The following PROX1 variants were observed in gnomAD, a reference collection of about 807,000 sequenced individuals.
PROX1 encodes the protein prospero homeobox protein 1.
Under a neutral mutation model 58.8 loss-of-function variants are expected in PROX1, and 7 were observed. That is an observed-to-expected ratio of 0.12 (90% confidence interval 0.07 to 0.22). PROX1 has a LOEUF of 0.22. Ranked by LOEUF, PROX1 falls within the 10% of genes least tolerant of loss-of-function variation. The pLI, the probability that PROX1 is intolerant of heterozygous loss-of-function variation, is 1.00. For missense variants in PROX1, 675 were observed against 927.8 expected (o/e 0.73, Z 3.54); for synonymous variants, 350 against 358.3 (o/e 0.98, Z 0.26).
chr1:214,019,527 C>T (rs1355216441), intron 4 of PROX1, among the ~76,000 whole-genome samples: 9 of 152,166 alleles, frequency 5.9e-5, no homozygotes, highest in Non-Finnish European at 1.3e-4. Context: ...ACCTCACCTT[C>T]GGATTTAAGA....
At chr1:214,004,546 A>G (rs1365469710) in intron 2 of PROX1, among the ~76,000 whole-genome samples, 1 of 152,196 alleles carries the variant, frequency 6.6e-6, no homozygotes, top group Non-Finnish European at 1.5e-5. Context: ...TCTCCATGCC[A>G]AAACTACTCT....
intron 1 of PROX1, among the ~76,000 whole-genome samples, 163 bp from the exon 2 acceptor site, chr1:213,996,306 A>T (rs1392771947): frequency 2.0e-5 from 3 of 152,112 alleles, no homozygotes; most frequent in Non-Finnish European, 2.9e-5. Flanking sequence ...AGAAATATTT[A>T]AAAATGTTTC....
chr1:214,040,206 T>A lies in PROX1; in HGVS notation c.*4372T>A. 6.6e-6 allele frequency: 1 copy of A among 152,188 alleles called. No individual in the cohort carries two copies. Among genetic ancestry groups the A allele is most frequent in the East Asian group, 1.9e-4 (1 of 5,200 alleles). 9.4% of individuals were successfully genotyped at this position (152,188 alleles called of 1,614,324 possible). A position where few individuals can be genotyped will look rare whatever the true frequency, so the allele number is the denominator to read the frequency against. On this transcript the variant is annotated 3_prime_UTR_variant, in exon 5 of 5. Transcript: ENST00000366958. The stretch of plus-strand genomic sequence containing the variant: ...AGATCTGTTGGTTGTAAACCATCTA[T>A]AAAACTAAAGCTAAAATGCTCATAT...
chr1:213,994,791 A>C (rs1374659946), intron 1 of PROX1, among the ~76,000 whole-genome samples: 4 of 81,888 alleles, frequency 4.9e-5, no homozygotes, highest in African/African-American at 1.3e-4. Flanking sequence ...ATATATATAT[A>C]TATATATATA....
chr1:214,033,475 G>GC (rs1664730426), intron 4 of PROX1, among the ~76,000 whole-genome samples: 7 of 152,172 alleles, frequency 4.6e-5, no homozygotes, highest in Admixed American at 1.3e-4. Flanking sequence ...GCACTTGCCT[G>GC]TAATCTCAGC....
rs115323526 is a variant in PROX1, at chr1:214,021,668, C to T, written c.2028+9953C>T. ...TTTGGTGATGGTGCCTTGTGCACAC[C>T]CAATGGGACTTTTTTGATTACCCCA... On this transcript the variant is annotated intron_variant, in intron 4 of 4. Transcript: ENST00000366958. 6.7e-3 allele frequency among the ~76,000 whole-genome samples: 1,014 copies of T among 152,250 alleles called. 16 individuals are homozygous for T. The highest frequency in any genetic ancestry group is 0.023 in the African/African-American group (964 of 41,548).
At position 214,035,991 on chromosome 1, in the gene PROX1, A is replaced by C; in HGVS notation, c.*157A>C. 4.9e-6 allele frequency: 3 copies of C among 614,286 alleles called. No homozygotes were observed. Among genetic ancestry groups the C allele is most frequent in the Non-Finnish European group, 7.5e-6 (3 of 402,268 alleles). The allele number at this position is 614,286 out of a possible 1,614,324, so 38.1% of individuals were successfully genotyped here. ...AATTCCTCCTCATCACGTTTCTCTC[A>C]TTTTCTTTTGTTTTCCATTGCAAGG... On this transcript the variant is annotated 3_prime_UTR_variant, in exon 5 of 5. Coordinates refer to ENST00000366958, the MANE Select transcript of PROX1 (RefSeq NM_001270616.2).
chr1:213,989,157 G>A (rs1021555213), intron 1 of PROX1, among the ~76,000 whole-genome samples: 1 of 152,016 alleles, frequency 6.6e-6, no homozygotes, highest in African/African-American at 2.4e-5. Context: ...AGAGAGGGAG[G>A]TGGGGGGGCG....
intron 4 of PROX1, among the ~76,000 whole-genome samples, chr1:214,024,919 T>C (rs949787539): frequency 6.6e-5 from 10 of 152,308 alleles, no homozygotes; most frequent in African/African-American, 2.4e-4. Context: ...TCAAGGGCTG[T>C]CAGCTTGTCT....
At chr1:214,003,146 T>C (rs538605908) in intron 2 of PROX1, among the ~76,000 whole-genome samples, 5 of 152,246 alleles carry the variant, frequency 3.3e-5, no homozygotes, top group African/African-American at 9.6e-5. Flanking sequence ...ATAAATTAGA[T>C]GTATTAAAAG....
intron 2 of PROX1, among the ~76,000 whole-genome samples, chr1:214,002,827 G>GA (rs986914465): frequency 6.6e-6 from 1 of 151,696 alleles, no homozygotes; most frequent in Non-Finnish European, 1.5e-5. Context: ...ATTTTGAGGA[G>GA]AAAAAAAGGA....
chr1:213,994,844 T>C (rs1205031509), intron 1 of PROX1, among the ~76,000 whole-genome samples: 1 of 143,834 alleles, frequency 7.0e-6, no homozygotes, highest in African/African-American at 2.6e-5. Flanking sequence ...TAAAGCAGGC[T>C]CTTTTAAAAT....
intron 1 of PROX1, among the ~76,000 whole-genome samples, chr1:213,989,979 G>C (rs549766005): frequency 1.3e-5 from 2 of 151,872 alleles, no homozygotes; most frequent in Non-Finnish European, 2.9e-5. Flanking sequence ...GGGAAGGCTG[G>C]AAACTCACCT....
chr1:214,033,121 T>C (rs1401814866), intron 4 of PROX1, among the ~76,000 whole-genome samples: 1 of 152,140 alleles, frequency 6.6e-6, no homozygotes, highest in Non-Finnish European at 1.5e-5. Flanking sequence ...GTGCAGTTCT[T>C]GGTGTGGGCA....
At chr1:214,014,626 A>T (rs1664030342) in intron 4 of PROX1, among the ~76,000 whole-genome samples, 1 of 152,236 alleles carries the variant, frequency 6.6e-6, no homozygotes. Context: ...AATAATAATG[A>T]CAGTGATACC....
chr1:213,992,030 G>A (rs1663056408), intron 1 of PROX1, among the ~76,000 whole-genome samples: 1 of 152,008 alleles, frequency 6.6e-6, no homozygotes, highest in South Asian at 2.1e-4. Context: ...TCAATTTTCT[G>A]CAAAAAGAAA....
chr1:214,008,056 A>ATT lies in PROX1; in HGVS notation c.1833+2795_1833+2796dup, dbSNP rs3835650. Among the ~76,000 whole-genome samples, 3 of 148,984 alleles carry ATT rather than the reference A, an allele frequency of 2.0e-5. No homozygotes were observed. The East Asian group carries it at 5.9e-4, about 29-fold the overall frequency. ...TCAAATAATAAAGTTATTTTATTCA[A>ATT]TTTTTTTTTTTTGAGACGGAATTTC... On this transcript the variant is annotated intron_variant, in intron 3 of 4. Transcript: ENST00000366958.
At chr1:213,992,959 T>A (rs1663089986) in intron 1 of PROX1, among the ~76,000 whole-genome samples, 1 of 152,224 alleles carries the variant, frequency 6.6e-6, no homozygotes, top group Non-Finnish European at 1.5e-5. Flanking sequence ...TTAAAGAGAA[T>A]GTCAGATAAT....
chr1:214,014,259 T>A (rs959062722), intron 4 of PROX1, among the ~76,000 whole-genome samples: 6 of 152,246 alleles, frequency 3.9e-5, no homozygotes, highest in African/African-American at 1.2e-4. Flanking sequence ...ACGGCTTTAC[T>A]TTTGTATTTA....
Sources: gnomAD v4.1 joint callset for allele counts (sites outside exome capture counted in the v4.1 genomes callset) on GRCh38, gnomAD v4.1.1 for gene constraint, MANE v1.5 for transcripts, NCBI Gene and HGNC (gene_info 2026-07-23, HGNC 2026-07-21) for gene names.